DDX4: variants seen among roughly 807,000 people sequenced by gnomAD.
DDX4 encodes DEAD-box helicase 4, also known as probable ATP-dependent RNA helicase DDX4.
DDX4 carries 25 observed loss-of-function variants against 100.0 expected under a neutral mutation model. That is an observed-to-expected ratio of 0.25 (90% CI 0.18 to 0.35). The LOEUF is 0.35. DDX4 is among the 10% of genes least tolerant of loss of function. The pLI, the probability that DDX4 is intolerant of heterozygous loss-of-function variation, is 1.00. For missense variants in DDX4, 635 were observed against 882.4 expected, an observed-to-expected ratio of 0.72 and a Z score of 3.55; for synonymous variants, 259 against 275.7, an observed-to-expected ratio of 0.94 and a Z score of 0.60.
chr5:55,815,575 G>A lies in DDX4; in HGVS notation c.2097+152G>A, dbSNP rs938399786. 1.9e-5 allele frequency: 22 copies of A among 1,159,032 alleles called. No homozygotes were observed. The East Asian group carries it at 5.4e-4, about 28-fold the overall frequency. The allele number at this position is 1,159,032 out of a possible 1,614,324, so 71.8% of individuals were successfully genotyped here. Reference sequence around the variant, plus strand: ...CTTTATTATTTCATTAACATTTTATGTATATACATATTTTTGGTTTTAAAG... The same window carrying A: ...CTTTATTATTTCATTAACATTTTATATATATACATATTTTTGGTTTTAAAG... On this transcript the variant is annotated intron_variant, in intron 21 of 21. Coordinates refer to ENST00000505374, the MANE Select transcript of DDX4 (RefSeq NM_024415.3).
chr5:55,739,725 A>T (rs1272920091), intron 2 of DDX4, among the ~76,000 whole-genome samples: 1 of 152,138 alleles, frequency 6.6e-6, no homozygotes, highest in African/African-American at 2.4e-5. Flanking sequence ...TTCTGATTTC[A>T]AGTTTTGCCT....
chr5:55,743,617 A>G (rs1182476734), intron 2 of DDX4, among the ~76,000 whole-genome samples: 2 of 152,052 alleles, frequency 1.3e-5, no homozygotes, highest in Non-Finnish European at 2.9e-5. Context: ...TTTAGTAGAG[A>G]TGGGGTTACA....
chr5:55,795,909 C>T (rs1281591112), intron 17 of DDX4, among the ~76,000 whole-genome samples: 1 of 152,130 alleles, frequency 6.6e-6, no homozygotes, highest in African/African-American at 2.4e-5. Flanking sequence ...AGGCTGTCTG[C>T]AAGCTGGAGA....
Position 55,798,313 on chromosome 5 carries a change from G to T in DDX4, c.1470-113G>T, listed in dbSNP as rs1234476216. On this transcript the variant is annotated intron_variant, in intron 17 of 21. Transcript: ENST00000505374. Reference sequence around the variant, plus strand: ...ATAAGTAACCAACCATCTTATAGCTGTTATAATCTGCTGTCTGATTAATAT... The same window carrying T: ...ATAAGTAACCAACCATCTTATAGCTTTTATAATCTGCTGTCTGATTAATAT... 8.9e-6 allele frequency: 10 copies of T among 1,120,920 alleles called. No individual in the cohort carries two copies. The African/African-American group carries it at 1.6e-4, about 18-fold the overall frequency. The allele number at this position is 1,120,920 out of a possible 1,614,324, so 69.4% of individuals were successfully genotyped here. A position where few individuals can be genotyped will look rare whatever the true frequency, so the allele number is the denominator to read the frequency against.
chr5:55,815,937 G>GTA (rs749988756), intron 21 of DDX4, among the ~76,000 whole-genome samples: 2 of 109,182 alleles, frequency 1.8e-5, no homozygotes, highest in Non-Finnish European at 3.6e-5. Context: ...ATCTTAGCTG[G>GTA]TTTTTTTTTT....
intron 3 of DDX4, among the ~76,000 whole-genome samples, chr5:55,749,149 A>G (rs1182230897): frequency 6.6e-6 from 1 of 152,206 alleles, no homozygotes; most frequent in Non-Finnish European, 1.5e-5. Context: ...AGGCAGGTGT[A>G]GTGGCTTATG....
intron 4 of DDX4, among the ~76,000 whole-genome samples, 168 bp downstream of exon 4, chr5:55,760,445 T>C (rs766823895): frequency 1.3e-5 from 2 of 152,200 alleles, no homozygotes; most frequent in Non-Finnish European, 2.9e-5. Context: ...TTCTTTTTTC[T>C]GTTTTACTTC....
chr5:55,800,627 AT>A (rs1743239990), intron 18 of DDX4, among the ~76,000 whole-genome samples: 1 of 151,950 alleles, frequency 6.6e-6, no homozygotes, highest in Non-Finnish European at 1.5e-5. Context: ...CCCGGCCAAG[AT>A]TTTTTTTATA....
At chr5:55,793,317 C>G (rs929027168) in intron 17 of DDX4, among the ~76,000 whole-genome samples, 1 of 152,120 alleles carries the variant, frequency 6.6e-6, no homozygotes, top group Admixed American at 6.6e-5. Flanking sequence ...CTGCCAGCCC[C>G]TTGTCTCAAG....
At chr5:55,759,476 ATATGAATTGAT>A (rs1489369447) in intron 3 of DDX4, among the ~76,000 whole-genome samples, 1 of 150,076 alleles carries the variant, frequency 6.7e-6, no homozygotes, top group Non-Finnish European at 1.5e-5. Flanking sequence ...AATCTCATGT[ATATGAATTGAT>A]TATTGAACTC....
At chr5:55,797,262 A>T (rs1743022592) in intron 17 of DDX4, among the ~76,000 whole-genome samples, 1 of 152,240 alleles carries the variant, frequency 6.6e-6, no homozygotes, top group East Asian at 1.9e-4. Context: ...TTCAGTAAAC[A>T]TTAACTATTC....
At chr5:55,784,723 ACTGAGTCTCTAATGAGCTT>A (rs1580570354) in intron 10 of DDX4, among the ~76,000 whole-genome samples, 1 of 152,210 alleles carries the variant, frequency 6.6e-6, no homozygotes, top group African/African-American at 2.4e-5. Flanking sequence ...AACCCTGGGT[ACTGAGTCTCTAATGAGCTT>A]CTGAGTCTCT....
intron 6 of DDX4, among the ~76,000 whole-genome samples, chr5:55,765,023 A>C (rs1740799570): frequency 6.6e-6 from 1 of 152,192 alleles, no homozygotes; most frequent in African/African-American, 2.4e-5. Flanking sequence ...TTTAATTATC[A>C]AATGAGACTG....
intron 3 of DDX4, among the ~76,000 whole-genome samples, chr5:55,753,649 A>G (rs1447040640): frequency 6.7e-6 from 1 of 148,496 alleles, no homozygotes; most frequent in Non-Finnish European, 1.5e-5. Context: ...TGACTTGGCG[A>G]TGCGGGCTCT....
Position 55,816,502 on chromosome 5 carries a change from C to T in DDX4, c.2137C>T (p.Gln713Ter). The T allele has an allele frequency of 6.2e-7, 1 of 1,612,076 alleles. No homozygotes were observed. Among genetic ancestry groups the T allele is most frequent in the South Asian group, 1.1e-5 (1 of 90,870 alleles). ...TLNTAGFSSS[Q>*]APNPVDDESW... ...GAACACAGCTGGGTTTTCTTCTTCA[C>T]AAGCTCCCAATCCAGTAGATGATGA... Residue 713 changes from glutamine (Q) to a stop codon, truncating the protein, a stop_gained, in exon 22 of 22, where the codon CAA becomes TAA. Coordinates refer to ENST00000505374, the MANE Select transcript of DDX4 (RefSeq NM_024415.3). LOFTEE classifies it high-confidence loss of function.
chr5:55,809,569 A>G (rs1319397609), intron 18 of DDX4, among the ~76,000 whole-genome samples: 5 of 152,222 alleles, frequency 3.3e-5, no homozygotes, highest in African/African-American at 1.2e-4. Flanking sequence ...ATAATTATGA[A>G]ATCATTGTTT....
At chr5:55,801,725 G>A (rs1044772812) in intron 18 of DDX4, among the ~76,000 whole-genome samples, 4 of 152,108 alleles carry the variant, frequency 2.6e-5, no homozygotes, top group African/African-American at 9.7e-5. Context: ...TAAGTTTGCT[G>A]AACAGTATTG....
chr5:55,741,711 A>G (rs1255274842), intron 2 of DDX4, among the ~76,000 whole-genome samples: 1 of 152,058 alleles, frequency 6.6e-6, no homozygotes. Context: ...ATCTCTTGAA[A>G]TTGGGAGGTG....
rs771388599 is a variant in DDX4 at position 55,738,931 on chromosome 5, T to G, written c.-14-19T>G. ...ATCTAATTGAGTCCAAATGTGCATTTTTTTTTTTTTATGAATAGAACTTGA... is the reference window on the plus strand; with the variant it reads ...ATCTAATTGAGTCCAAATGTGCATTGTTTTTTTTTTATGAATAGAACTTGA... On this transcript the variant is annotated intron_variant, in intron 1 of 21. Transcript: ENST00000505374. The G allele has an allele frequency of 7.2e-7, 1 of 1,396,760 alleles. No homozygotes were observed. Among genetic ancestry groups the G allele is most frequent in the Non-Finnish European group, 1.0e-6 (1 of 988,084 alleles). The allele number at this position is 1,396,760 out of a possible 1,614,324, so 86.5% of individuals were successfully genotyped here.
Sources: allele counts gnomAD v4.1 joint callset (sites outside exome capture counted in the v4.1 genomes callset), GRCh38; gene constraint gnomAD v4.1.1; transcripts MANE v1.5; gene names NCBI Gene and HGNC (gene_info 2026-07-23, HGNC 2026-07-21).